FGF13: variants seen among roughly 807,000 people sequenced by gnomAD.
FGF13 encodes fibroblast growth factor 13.
In FGF13, 2 loss-of-function variants were observed where a neutral mutation model predicts 19.5. The ratio of observed to expected loss-of-function variants is 0.10; its 90% CI spans 0.04 to 0.32. The LOEUF (loss-of-function observed/expected upper bound fraction) is 0.32. Among genes scored for constraint, FGF13 ranks in the 10% least tolerant of loss-of-function variants. FGF13 has a pLI of 1.00. For synonymous variants in FGF13, 72 were observed against 76.9 expected (o/e 0.94, Z 0.33); for missense variants, 113 against 192.7 (o/e 0.59, Z 2.45).
chrX:139,098,305 G>C (rs2083484452), intron 1 of FGF13, among the ~76,000 whole-genome samples: 1 of 111,273 alleles, frequency 9.0e-6, no homozygotes, highest in Admixed American at 9.6e-5. Flanking sequence ...TGGTCATTCT[G>C]ACTGGTGAGA....
In FGF13 at chrX:138,830,691, G is replaced by T. The variant is rs377415040; in HGVS notation, c.217+26821C>A. Among the ~76,000 whole-genome samples the T allele has an allele frequency of 1.6e-4, 9 of 55,113 alleles. No individual in the cohort carries two copies. In the South Asian group the frequency reaches 4.5e-3, roughly 28 times the overall value. The allele number at this position is 55,113 out of a possible 115,157, so 47.9% of individuals were successfully genotyped here. A position where few individuals can be genotyped will look rare whatever the true frequency, so the allele number is the denominator to read the frequency against. On this transcript the variant is annotated intron_variant, in intron 3 of 6. Transcript: ENST00000436198. Reference sequence around the variant, plus strand: ...GTAAAGAGTGAAAAGGGGTGTTTGTGTGTGTGTGTGTGTGTGTGTGTGTGT... The same window carrying T: ...GTAAAGAGTGAAAAGGGGTGTTTGTTTGTGTGTGTGTGTGTGTGTGTGTGT...
chrX:139,140,648 C>T (rs780656868), intron 1 of FGF13, among the ~76,000 whole-genome samples: 6 of 111,274 alleles, frequency 5.4e-5, no homozygotes, highest in South Asian at 3.9e-4. Context: ...TCTATTTCAA[C>T]GGAGCATCCA....
At chrX:138,798,029 G>T (rs1299927782) in intron 3 of FGF13, among the ~76,000 whole-genome samples, 1 of 110,375 alleles carries the variant, frequency 9.1e-6, no homozygotes, top group Non-Finnish European at 1.9e-5. Context: ...TTGACTTCCT[G>T]TGTTCCAATT....
At chrX:138,950,864 A>T (rs1406005552) in intron 1 of FGF13, among the ~76,000 whole-genome samples, 2 of 110,893 alleles carry the variant, frequency 1.8e-5, no homozygotes, top group African/African-American at 6.6e-5. Flanking sequence ...TTTGAAGTCT[A>T]GTAGGGGAAG....
intron 1 of FGF13, among the ~76,000 whole-genome samples, chrX:138,885,706 C>G (rs1010487904): frequency 5.6e-5 from 6 of 107,930 alleles, no homozygotes; most frequent in African/African-American, 2.0e-4. Context: ...TCTAACCCCC[C>G]CCGCCAATAC....
chrX:138,874,344 A>G (rs1171889276), intron 1 of FGF13, among the ~76,000 whole-genome samples: 1 of 110,599 alleles, frequency 9.0e-6, no homozygotes. Flanking sequence ...TTACTTGCTG[A>G]GTGGTAAAAG....
intron 1 of FGF13, among the ~76,000 whole-genome samples, chrX:139,176,660 T>C (rs1243522833): frequency 9.0e-6 from 1 of 111,642 alleles, no homozygotes; most frequent in Non-Finnish European, 1.9e-5. Flanking sequence ...ATTTCTGCCT[T>C]CATTTTGTTA....
chrX:139,026,857 C>T (rs978581243), intron 1 of FGF13, among the ~76,000 whole-genome samples: 3 of 112,121 alleles, frequency 2.7e-5, no homozygotes, highest in African/African-American at 9.7e-5. Context: ...CTTTATAAAA[C>T]TGCCAAACGC....
intron 1 of FGF13, among the ~76,000 whole-genome samples, chrX:138,719,621 C>CT (rs1050821394): frequency 8.9e-6 from 1 of 111,978 alleles, no homozygotes; most frequent in African/African-American, 3.2e-5. Context: ...ACACTGTAAG[C>CT]TTTTTTGTGC....
chrX:139,026,262 C>A (rs2092200521), intron 1 of FGF13, among the ~76,000 whole-genome samples: 1 of 110,770 alleles, frequency 9.0e-6, no homozygotes, highest in Non-Finnish European at 1.9e-5. Context: ...TAACATATTT[C>A]TCCTTGAATT....
intron 1 of FGF13, among the ~76,000 whole-genome samples, chrX:138,974,880 A>G (rs779087781): frequency 5.1e-4 from 57 of 112,581 alleles, no homozygotes; most frequent in African/African-American, 1.7e-3. Context: ...CATGAAACTC[A>G]TATCTAGTGC....
At position 138,900,939 on chromosome X, in the gene FGF13, C is replaced by T. The variant is rs777873649; in HGVS notation, c.-112-36289G>A. On this transcript the variant is annotated intron_variant, in intron 1 of 2. Coordinates refer to the FGF13 transcript ENST00000421460. ...AACCTCTTTCCTTGATGAGGCTAGC[C>T]CCTTCTTATCATTTGGGTCTCATTC... Among the ~76,000 whole-genome samples the T allele has an allele frequency of 3.6e-5, 4 of 111,978 alleles. No individual in the cohort carries two copies. In the Admixed American group the frequency reaches 3.8e-4, roughly 11 times the overall value.
At chrX:139,204,189 C>A (rs2084444367), upstream of FGF13, 10 of 927,950 alleles carry the variant, frequency 1.1e-5, no homozygotes, top group African/African-American at 1.9e-5. Flanking sequence ...GTGCTTAGGG[C>A]GGCAAGTCTC....
intron 1 of FGF13, among the ~76,000 whole-genome samples, chrX:139,131,537 A>T (rs1164270047): frequency 9.0e-6 from 1 of 110,707 alleles, no homozygotes; most frequent in African/African-American, 3.3e-5. Context: ...GGAGTTCAAG[A>T]CCAACTGGGG....
chrX:138,976,324 A>G, intron 1 of FGF13, among the ~76,000 whole-genome samples: 1 of 112,243 alleles, frequency 8.9e-6, no homozygotes, highest in Non-Finnish European at 1.9e-5. Context: ...GAGTGGATAA[A>G]GAAAATGTAG....
chrX:139,143,022 A>C (rs2083858962), intron 1 of FGF13, among the ~76,000 whole-genome samples: 1 of 112,366 alleles, frequency 8.9e-6, no homozygotes. Context: ...GAATCATCTA[A>C]GGCCATACAA....
chrX:138,795,510 C>G (rs1000480408), intron 3 of FGF13, among the ~76,000 whole-genome samples: 1 of 111,892 alleles, frequency 8.9e-6, no homozygotes, highest in African/African-American at 3.2e-5. Flanking sequence ...AGTTCAGGAA[C>G]ACACAGCCTA....
At chrX:138,910,708 C>G (rs953472516) in intron 1 of FGF13, among the ~76,000 whole-genome samples, 2 of 112,162 alleles carry the variant, frequency 1.8e-5, no homozygotes, top group African/African-American at 6.5e-5. Flanking sequence ...AACATGGTCT[C>G]TACACACAGG....
At chrX:138,976,312 A>G (rs2091939449) in intron 1 of FGF13, among the ~76,000 whole-genome samples, 1 of 111,922 alleles carries the variant, frequency 8.9e-6, no homozygotes, top group African/African-American at 3.2e-5. Context: ...CCATCAACCA[A>G]TGAGTGGATA....
Sources: gnomAD v4.1 joint callset for allele counts (sites outside exome capture counted in the v4.1 genomes callset) on GRCh38, gnomAD v4.1.1 for gene constraint, MANE v1.5 for transcripts, NCBI Gene and HGNC (gene_info 2026-07-23, HGNC 2026-07-21) for gene names.